Variants in ZFAND3 observed in about 807,000 individuals in gnomAD.
The protein encoded by ZFAND3 is AN1-type zinc finger protein 3.
A neutral mutation model predicts 29.6 loss-of-function variants in ZFAND3; 10 were observed. The ratio of observed to expected loss-of-function variants is 0.34; its 90% CI spans 0.21 to 0.57. ZFAND3 has a LOEUF of 0.57. Ranked by LOEUF, ZFAND3 falls within the 20% of genes least tolerant of loss-of-function variation. The pLI, the probability that ZFAND3 is intolerant of heterozygous loss-of-function variation, is 0.86. For synonymous variants in ZFAND3, 128 were observed against 112.6 expected (o/e 1.14, Z -0.87); for missense variants, 230 against 304.5 (o/e 0.76, Z 1.82).
intron 5 of ZFAND3, among the ~76,000 whole-genome samples, chr6:38,134,626 T>C (rs995670830): frequency 6.6e-6 from 1 of 152,160 alleles, no homozygotes; most frequent in African/African-American, 2.4e-5. Context: ...TTAGATGAGA[T>C]TTCTATAGCA....
At chr6:37,993,908 A>G (rs1222048782) in intron 2 of ZFAND3, among the ~76,000 whole-genome samples, 2 of 152,124 alleles carry the variant, frequency 1.3e-5, no homozygotes, top group African/African-American at 2.4e-5. Context: ...GCTCTTTGTG[A>G]TATTTTCATT....
intron 4 of ZFAND3, among the ~76,000 whole-genome samples, chr6:38,084,688 T>C (rs1764725461): frequency 6.6e-6 from 1 of 152,214 alleles, no homozygotes; most frequent in African/African-American, 2.4e-5. Flanking sequence ...GTTAGTGAAA[T>C]GACAGGCATT....
intron 1 of ZFAND3, among the ~76,000 whole-genome samples, chr6:37,867,464 C>T (rs1764610230): frequency 6.6e-6 from 1 of 152,104 alleles, no homozygotes; most frequent in Non-Finnish European, 1.5e-5. Flanking sequence ...GCATCTGCTG[C>T]ATTTTAGACT....
intron 5 of ZFAND3, among the ~76,000 whole-genome samples, chr6:38,132,245 C>T (rs750140631): frequency 4.6e-5 from 7 of 152,180 alleles, no homozygotes; most frequent in Non-Finnish European, 8.8e-5. Context: ...GGTGCGGTGG[C>T]TCACACCTGT....
intron 1 of ZFAND3, among the ~76,000 whole-genome samples, chr6:37,822,101 C>T (rs1272982413): frequency 6.6e-6 from 1 of 152,196 alleles, no homozygotes; most frequent in Non-Finnish European, 1.5e-5. Context: ...TCCCAAAGTG[C>T]TGGGATTACA....
chr6:37,827,260 T>G (rs929340769), intron 1 of ZFAND3, among the ~76,000 whole-genome samples: 2 of 152,228 alleles, frequency 1.3e-5, no homozygotes, highest in African/African-American at 4.8e-5. Context: ...AATTTGAACC[T>G]TTTTTGAAGT....
At chr6:38,045,054 TTTTATTTATTTATTTA>T (rs3047087) in intron 2 of ZFAND3, among the ~76,000 whole-genome samples, 244 of 134,782 alleles carry the variant, frequency 1.8e-3, no homozygotes, top group South Asian at 0.011. Flanking sequence ...GTGGAAATTC[TTTTATTTATTTATTTA>T]TTTATTTATT....
chr6:37,943,674 C>G (rs1443404667), intron 2 of ZFAND3, among the ~76,000 whole-genome samples: 1 of 152,086 alleles, frequency 6.6e-6, no homozygotes, highest in Non-Finnish European at 1.5e-5. Flanking sequence ...ACTGGTTTTG[C>G]TTTTAGGAAC....
At chr6:37,868,752 T>C (rs907560542) in intron 1 of ZFAND3, among the ~76,000 whole-genome samples, 71 of 152,322 alleles carry the variant, frequency 4.7e-4, no homozygotes, top group Middle Eastern at 3.4e-3. Context: ...TTAAATATAT[T>C]ACTAGACTCC....
At chr6:38,096,348 T>G (rs1185797920) in intron 4 of ZFAND3, among the ~76,000 whole-genome samples, 3 of 152,114 alleles carry the variant, frequency 2.0e-5, no homozygotes, top group Non-Finnish European at 2.9e-5. Flanking sequence ...AACTTTTGTA[T>G]TTTTAGTAGA....
chr6:38,045,542 A>G (rs1763886589), intron 2 of ZFAND3, among the ~76,000 whole-genome samples: 1 of 152,078 alleles, frequency 6.6e-6, no homozygotes, highest in Non-Finnish European at 1.5e-5. Context: ...TTTGATATAC[A>G]TTTTTTCTAG....
At chr6:38,064,344 C>A (rs1764301067) in intron 3 of ZFAND3, among the ~76,000 whole-genome samples, 1 of 152,176 alleles carries the variant, frequency 6.6e-6, no homozygotes, top group South Asian at 2.1e-4. Context: ...CATATTTTCT[C>A]ATTGTTTTTC....
At chr6:38,022,966 A>G (rs953044241) in intron 2 of ZFAND3, among the ~76,000 whole-genome samples, 2 of 152,158 alleles carry the variant, frequency 1.3e-5, no homozygotes, top group Admixed American at 6.5e-5. Flanking sequence ...AGGAACGGGT[A>G]TGTGTGTTGG....
Position 38,012,296 on chromosome 6 carries a change from A to G in ZFAND3, c.113-49297A>G, listed in dbSNP as rs570773476. On this transcript the variant is annotated intron_variant, in intron 2 of 5. Transcript: ENST00000287218. ...ACTAACAAATCAGTAGCTATATTTGATATCCTGGGTAGCCGTATTTGATAT... is the reference window on the plus strand; with the variant it reads ...ACTAACAAATCAGTAGCTATATTTGGTATCCTGGGTAGCCGTATTTGATAT... Among the ~76,000 whole-genome samples, 197 of 127,690 alleles carry G rather than the reference A, an allele frequency of 1.5e-3. 1 individual carries two copies. The highest frequency in any genetic ancestry group is 2.7e-3 in the Non-Finnish European group (151 of 56,612). The allele number at this position is 127,690 out of a possible 152,430, so 83.8% of individuals were successfully genotyped here. A position where few individuals can be genotyped will look rare whatever the true frequency, so the allele number is the denominator to read the frequency against.
intron 1 of ZFAND3, among the ~76,000 whole-genome samples, chr6:37,848,135 C>T (rs1764216633): frequency 6.6e-6 from 1 of 152,242 alleles, no homozygotes; most frequent in Non-Finnish European, 1.5e-5. Context: ...GATATCATTA[C>T]TGTTTTGAGA....
intron 5 of ZFAND3, among the ~76,000 whole-genome samples, chr6:38,143,490 T>C (rs1766005708): frequency 6.6e-6 from 1 of 152,276 alleles, no homozygotes; most frequent in Non-Finnish European, 1.5e-5. Context: ...ATCATACTGC[T>C]TTTGGTTCTA....
intron 5 of ZFAND3, among the ~76,000 whole-genome samples, chr6:38,127,326 G>A (rs984237997): frequency 2.0e-5 from 3 of 152,206 alleles, no homozygotes; most frequent in Admixed American, 2.0e-4. Flanking sequence ...ACCCATGGTA[G>A]GCTACCACGT....
intron 1 of ZFAND3, among the ~76,000 whole-genome samples, chr6:37,841,767 G>A (rs1253057951): frequency 6.6e-6 from 1 of 152,202 alleles, no homozygotes; most frequent in African/African-American, 2.4e-5. Flanking sequence ...ACAGGCGTGA[G>A]CCACCGTGCC....
chr6:38,027,332 A>T (rs895046794), intron 2 of ZFAND3, among the ~76,000 whole-genome samples: 1 of 152,234 alleles, frequency 6.6e-6, no homozygotes, highest in Non-Finnish European at 1.5e-5. Context: ...CAGAAACCGC[A>T]TGGTGGATTT....
Sources: allele counts gnomAD v4.1 joint callset (sites outside exome capture counted in the v4.1 genomes callset), GRCh38; gene constraint gnomAD v4.1.1; transcripts MANE v1.5; gene names NCBI Gene and HGNC (gene_info 2026-07-23, HGNC 2026-07-21).